The following SRMS variants were observed in gnomAD, a reference collection of about 807,000 sequenced individuals.
The protein encoded by SRMS is tyrosine-protein kinase Srms.
SRMS carries 42 observed loss-of-function variants against 43.5 expected under a neutral mutation model. The ratio of observed to expected loss-of-function variants is 0.97; its 90% CI spans 0.75 to 1.25. SRMS has a LOEUF of 1.25. Among genes scored for constraint, SRMS ranks in the 50% most tolerant of loss-of-function variants. The pLI is 0.00. For synonymous variants in SRMS, 316 were observed against 308.2 expected, an observed-to-expected ratio of 1.03 and a Z score of -0.27; for missense variants, 703 against 681.0, an observed-to-expected ratio of 1.03 and a Z score of -0.36.
At chr20:63,541,651 C>G in intron 5 of SRMS, 31 bp from the exon 6 acceptor site, 2 of 1,476,686 alleles carry the variant, frequency 1.4e-6, no homozygotes, top group East Asian at 2.5e-5. Context: ...TCTTTTAGGG[C>G]ACGGGGCCAA....
chr20:63,547,279 A>G lies in SRMS; in HGVS notation c.185T>C (p.Phe62Ser), dbSNP rs374137372. 2 of 1,609,872 alleles carry G rather than the reference A, an allele frequency of 1.2e-6. No individual in the cohort carries two copies. Among genetic ancestry groups the G allele is most frequent in the African/African-American group, 2.7e-5 (2 of 74,834 alleles). Residue 62 changes from phenylalanine to serine, a missense_variant, in exon 1 of 8, where the codon TTC becomes TCC. Coordinates refer to ENST00000217188, the MANE Select transcript of SRMS (RefSeq NM_080823.4). ...FPQLFLALYD[F>S]TARCGGELSV... ...CAGCTCCCCGCCACACCGCGCCGTG[A>G]AGTCATAGAGCGCAAGGAAGAGCTG...
At chr20:63,543,272 C>A (rs1362945788) in intron 3 of SRMS, 42 bp downstream of exon 3, 1 of 1,602,614 alleles carries the variant, frequency 6.2e-7, no homozygotes. Flanking sequence ...CAGGGCCATG[C>A]CTCGGGCCCA....
chr20:63,540,068 G>A lies in SRMS; in HGVS notation c.*750C>T, dbSNP rs310652. ...CTGCATTTTCTAGCCACGTGGACCC[G>A]TACGCTCCAGCTCCTGGGTCTGGGT... On this transcript the variant is annotated 3_prime_UTR_variant, in exon 8 of 8. Coordinates refer to ENST00000217188, the MANE Select transcript of SRMS (RefSeq NM_080823.4). Among the ~76,000 whole-genome samples, 22 of 152,224 alleles carry A rather than the reference G, an allele frequency of 1.4e-4. No individual in the cohort carries two copies. The highest frequency in any genetic ancestry group is 2.6e-4 in the Non-Finnish European group (18 of 68,008).
At position 63,540,941 on chromosome 20, in the gene SRMS, C is replaced by G. The variant is rs763585867; in HGVS notation, c.1344G>C (p.Pro448=). The G allele has an allele frequency of 6.2e-7, 1 of 1,607,018 alleles. No individual in the cohort carries two copies. The highest frequency in any genetic ancestry group is 1.1e-5 in the South Asian group (1 of 90,960). Residue 448 remains proline (P), a synonymous_variant, in exon 8 of 8, where the codon CCG becomes CCC. Coordinates refer to ENST00000217188, the MANE Select transcript of SRMS (RefSeq NM_080823.4). ...CGTAGACCTCCGCCGGGCAGGCAGC[C>G]GGGCGCGGCAGCCGGTACCCTCGCA... ...QIMRGYRLPR[P]AACPAEVYVL... is the part of the protein sequence containing the mutation.
chr20:63,546,817 G>A (rs1047573939), intron 1 of SRMS, among the ~76,000 whole-genome samples: 3 of 152,214 alleles, frequency 2.0e-5, no homozygotes, highest in Non-Finnish European at 4.4e-5. Context: ...GGGTCCTGGA[G>A]GAACCGCCTG....
At chr20:63,542,722 T>C (rs2082711754) in intron 3 of SRMS, 141 bp from the exon 4 acceptor site, 2 of 1,157,792 alleles carry the variant, frequency 1.7e-6, no homozygotes, top group African/African-American at 3.2e-5. Context: ...CAAAGGGGAG[T>C]GGGTGCCAGG....
In SRMS at chr20:63,547,589, C is replaced by T. The variant is rs538829949; in HGVS notation, c.-126G>A. Reference sequence around the variant, plus strand: ...CCTGGCCGTGGGGTGACAGGGGACCCCGGCCCTGCGGTCACTCAGAGGTCC... The same window carrying T: ...CCTGGCCGTGGGGTGACAGGGGACCTCGGCCCTGCGGTCACTCAGAGGTCC... On this transcript the variant is annotated 5_prime_UTR_variant, in exon 1 of 8. Coordinates refer to ENST00000217188, the MANE Select transcript of SRMS (RefSeq NM_080823.4). The T allele has an allele frequency of 8.8e-6, 8 of 904,270 alleles. No individual in the cohort carries two copies. The African/African-American group carries it at 1.2e-4, about 14-fold the overall frequency. 56.0% of individuals were successfully genotyped at this position (904,270 alleles called of 1,614,324 possible).
chr20:63,540,708 C>T lies in SRMS; in HGVS notation c.*110G>A, dbSNP rs2082698046. 1 of 1,399,864 alleles carries T rather than the reference C, an allele frequency of 7.1e-7. No individual in the cohort carries two copies. The allele number at this position is 1,399,864 out of a possible 1,614,324, so 86.7% of individuals were successfully genotyped here. Reference sequence around the variant, plus strand: ...TGTGTGCACGCCAGGGCCTGAGGCCCACAGCCAGAGGCTCCTCGGTCCGGC... The same window carrying T: ...TGTGTGCACGCCAGGGCCTGAGGCCTACAGCCAGAGGCTCCTCGGTCCGGC... On this transcript the variant is annotated 3_prime_UTR_variant, in exon 8 of 8. Transcript: ENST00000217188.
chr20:63,546,727 G>A (rs573460952), intron 1 of SRMS, among the ~76,000 whole-genome samples: 6 of 151,868 alleles, frequency 4.0e-5, no homozygotes, highest in East Asian at 2.0e-4. Flanking sequence ...CCAGCCCCCA[G>A]CCCCTGCCCT....
At chr20:63,545,061 C>T (rs531028910) in intron 1 of SRMS, among the ~76,000 whole-genome samples, 71 of 152,326 alleles carry the variant, frequency 4.7e-4, no homozygotes, top group Non-Finnish European at 5.9e-4. Flanking sequence ...TCTCTGAACA[C>T]GGTGGCAGGG....
chr20:63,542,490 TC>T lies in SRMS; in HGVS notation c.736del (p.Glu246LysfsTer20), dbSNP rs747222316. ...GGGCAGGGAGCCCAGCCACAGGCCT[TC>T]CCACACCTCCCCAAAGTAGCCTTCA... ...LGEGYFGEVW[E>X]GLWLGSLPVA... On this transcript the variant is annotated frameshift_variant, in exon 4 of 8. Transcript: ENST00000217188. LOFTEE classifies it high-confidence loss of function. 23 of 1,612,528 alleles carry T rather than the reference TC, an allele frequency of 1.4e-5. No individual in the cohort carries two copies. The South Asian group carries it at 2.1e-4, about 15-fold the overall frequency.
chr20:63,538,944 C>G lies in SRMS; in HGVS notation c.*1874G>C, dbSNP rs561391872. 1.3e-5 allele frequency among the ~76,000 whole-genome samples: 2 copies of G among 152,108 alleles called. No individual in the cohort carries two copies. The highest frequency in any genetic ancestry group is 2.4e-5 in the African/African-American group (1 of 41,428). ...CCAAACCTGTTCAGCTGGTGGCTGG[C>G]GAGATGCCTAGGAGGGCACAGGTGC... On this transcript the variant is annotated 3_prime_UTR_variant, in exon 8 of 8. Coordinates refer to ENST00000217188, the MANE Select transcript of SRMS (RefSeq NM_080823.4).
In SRMS at chr20:63,540,946, G is replaced by A. The variant is rs756917467; in HGVS notation, c.1339C>T (p.Arg447Cys). 22 of 1,607,136 alleles carry A rather than the reference G, an allele frequency of 1.4e-5. 1 individual carries two copies. The highest frequency in any genetic ancestry group is 1.2e-4 in the Admixed American group (7 of 59,942). ...ACCTCCGCCGGGCAGGCAGCCGGGC[G>A]CGGCAGCCGGTACCCTCGCATGATC... Reference protein sequence around the residue: ...QQIMRGYRLPRPAACPAEVYV... With the variant: ...QQIMRGYRLPCPAACPAEVYV... Residue 447 changes from arginine (R) to cysteine (C), a missense_variant, in exon 8 of 8, where the codon CGC (arginine) becomes TGC (cysteine). Physicochemically the swap from Arg to Cys is radical, Grantham distance 180. Coordinates refer to ENST00000217188, the MANE Select transcript of SRMS (RefSeq NM_080823.4).
intron 1 of SRMS, among the ~76,000 whole-genome samples, chr20:63,546,822 C>T (rs887636707): frequency 9.9e-5 from 15 of 152,182 alleles, no homozygotes; most frequent in Admixed American, 5.9e-4. Context: ...CTGGAGGAAC[C>T]GCCTGCTGGG....
intron 1 of SRMS, 97 bp from the exon 2 acceptor site, chr20:63,544,445 C>A: frequency 7.4e-7 from 1 of 1,355,886 alleles, no homozygotes; most frequent in South Asian, 1.7e-5. Flanking sequence ...GCCCGGCTGT[C>A]CCACCGCCTC....
Position 63,547,277 on chromosome 20 carries a change from T to C in SRMS, c.187A>G (p.Thr63Ala), listed in dbSNP as rs750137193. The part of the protein sequence containing the change: ...PQLFLALYDF[T>A]ARCGGELSVR... ...CTCAGCTCCCCGCCACACCGCGCCG[T>C]GAAGTCATAGAGCGCAAGGAAGAGC... The change falls in exon 1 of 8, where the codon ACG becomes GCG. Residue 63 changes from threonine (T) to alanine (A), a missense_variant. Coordinates refer to ENST00000217188, the MANE Select transcript of SRMS (RefSeq NM_080823.4). The C allele has an allele frequency of 1.9e-6, 3 of 1,609,896 alleles. No individual in the cohort carries two copies. The highest frequency in any genetic ancestry group is 2.2e-5 in the South Asian group (2 of 90,782).
Position 63,540,964 on chromosome 20 carries a change from G to C in SRMS, c.1321C>G (p.Arg441Gly). The change falls in exon 8 of 8, where the codon CGA (arginine) becomes GGA (glycine). Residue 441 changes from arginine to glycine, a missense_variant. By Grantham distance (125) the Arg-to-Gly change is moderately radical. Coordinates refer to ENST00000217188, the MANE Select transcript of SRMS (RefSeq NM_080823.4). ...GCCGGGCGCGGCAGCCGGTACCCTC[G>C]CATGATCTGCTGCAGCGTCTCGTGG... Reference protein sequence around the residue: ...TNHETLQQIMRGYRLPRPAAC... With the variant: ...TNHETLQQIMGGYRLPRPAAC... 1.9e-6 allele frequency: 3 copies of C among 1,608,270 alleles called. No individual in the cohort carries two copies. Among genetic ancestry groups the C allele is most frequent in the Non-Finnish European group, 2.5e-6 (3 of 1,179,470 alleles).
chr20:63,545,999 G>A (rs555188671), intron 1 of SRMS, among the ~76,000 whole-genome samples: 15 of 152,246 alleles, frequency 9.9e-5, no homozygotes, highest in Admixed American at 2.6e-4. Context: ...TCCCTGGGGC[G>A]TGGGGCCAGG....
In SRMS at chr20:63,540,854, C is replaced by T; in HGVS notation, c.1431G>A (p.Arg477=). Residue 477 remains arginine (R), a synonymous_variant, in exon 8 of 8, where the codon CGG becomes CGA. Coordinates refer to ENST00000217188, the MANE Select transcript of SRMS (RefSeq NM_080823.4). The stretch of plus-strand genomic sequence containing the variant: ...ATCTGTGGATGGCGTGCAGCTTCTC[C>T]CGCAGCGTGGCGAAGGAGGGCCGTT... ...PEERPSFATL[R]EKLHAIHRCH... is the part of the protein sequence containing the mutation. 1 of 1,605,530 alleles carries T rather than the reference C, an allele frequency of 6.2e-7. No homozygotes were observed. Among genetic ancestry groups the T allele is most frequent in the Non-Finnish European group, 8.5e-7 (1 of 1,178,886 alleles).
Sources: allele counts gnomAD v4.1 joint callset (sites outside exome capture counted in the v4.1 genomes callset), GRCh38; gene constraint gnomAD v4.1.1; transcripts MANE v1.5; gene names NCBI Gene and HGNC (gene_info 2026-07-23, HGNC 2026-07-21).